Variants in DNAAF9 observed in about 807,000 individuals in gnomAD.
DNAAF9 encodes shulin.
In DNAAF9, 90 loss-of-function variants were observed where a neutral mutation model predicts 167.0. The ratio of observed to expected loss-of-function variants is 0.54; its 90% confidence interval spans 0.45 to 0.64. DNAAF9 has a LOEUF of 0.64. Among genes scored for constraint, DNAAF9 ranks in the 30% least tolerant of loss-of-function variants. The pLI, the probability that DNAAF9 is intolerant of heterozygous loss-of-function variation, is 0.00. For synonymous variants in DNAAF9, 491 were observed against 508.8 expected, an observed-to-expected ratio of 0.96 and a Z score of 0.47; for missense variants, 1,315 against 1,442.2, an observed-to-expected ratio of 0.91 and a Z score of 1.43.
chr20:3,377,349 C>CA (rs1002622358), intron 3 of DNAAF9, among the ~76,000 whole-genome samples: 5 of 152,142 alleles, frequency 3.3e-5, no homozygotes, highest in Non-Finnish European at 5.9e-5. Context: ...AAAAATATGT[C>CA]AAAGGAGTAT....
chr20:3,325,442 T>C (rs562898480), intron 13 of DNAAF9, among the ~76,000 whole-genome samples: 10 of 152,368 alleles, frequency 6.6e-5, no homozygotes, highest in African/African-American at 2.4e-4. Flanking sequence ...CCCACTGCTT[T>C]GGATAAGCCT....
At chr20:3,277,510 T>C (rs960692944) in intron 29 of DNAAF9, among the ~76,000 whole-genome samples, 1 of 152,136 alleles carries the variant, frequency 6.6e-6, no homozygotes, top group Non-Finnish European at 1.5e-5. Flanking sequence ...GGTTATCTCC[T>C]GGACCTATGT....
chr20:3,290,787 CTTT>C (rs548143543), intron 25 of DNAAF9, among the ~76,000 whole-genome samples: 5 of 135,312 alleles, frequency 3.7e-5, no homozygotes, highest in Non-Finnish European at 3.2e-5. Flanking sequence ...AGGGCTAAGT[CTTT>C]TTTTTTTTTT....
intron 20 of DNAAF9, among the ~76,000 whole-genome samples, chr20:3,311,003 CAT>C (rs1443956578): frequency 6.6e-6 from 1 of 152,104 alleles, no homozygotes; most frequent in Non-Finnish European, 1.5e-5. Context: ...CAAAAAAAGC[CAT>C]ATGTGGGCTC....
chr20:3,367,389 C>T (rs2083444344), intron 6 of DNAAF9, among the ~76,000 whole-genome samples: 1 of 152,220 alleles, frequency 6.6e-6, no homozygotes. Context: ...TAGTTTCCTT[C>T]AAGAACTTTT....
intron 29 of DNAAF9, among the ~76,000 whole-genome samples, chr20:3,277,472 C>T (rs1884506): frequency 0.87 from 132,279 of 152,118 alleles, 57,788 homozygotes; most frequent in East Asian, 1. Flanking sequence ...CTTCCAAATA[C>T]GTATCTTAGG....
At chr20:3,279,925 C>G (rs1029752699) in intron 28 of DNAAF9, among the ~76,000 whole-genome samples, 1 of 152,150 alleles carries the variant, frequency 6.6e-6, no homozygotes. Flanking sequence ...TAATGATGTT[C>G]GCAACACTGG....
intron 1 of DNAAF9, among the ~76,000 whole-genome samples, chr20:3,383,716 C>T (rs1398706093): frequency 1.3e-5 from 2 of 152,050 alleles, no homozygotes; most frequent in African/African-American, 2.4e-5. Context: ...AGTACACTGC[C>T]TTACTCTCAC....
At chr20:3,322,573 A>G in intron 15 of DNAAF9, 79 bp downstream of exon 15, 1 of 1,113,278 alleles carries the variant, frequency 9.0e-7, no homozygotes, top group South Asian at 1.2e-5. Context: ...TGAGAAAACC[A>G]CTCATGTCAG....
At chr20:3,367,269 C>G (rs2083443256) in intron 6 of DNAAF9, among the ~76,000 whole-genome samples, 2 of 152,342 alleles carry the variant, frequency 1.3e-5, no homozygotes, top group South Asian at 4.1e-4. Context: ...TTTGGTTTAA[C>G]GGAATGTTTT....
intron 1 of DNAAF9, among the ~76,000 whole-genome samples, chr20:3,390,296 C>T (rs1442123634): frequency 1.3e-5 from 2 of 151,138 alleles, no homozygotes; most frequent in Non-Finnish European, 2.9e-5. Context: ...AAAGATAAAC[C>T]ACATACGGCA....
intron 23 of DNAAF9, chr20:3,296,568 G>A (rs546952838): frequency 2.7e-6 from 1 of 377,286 alleles, no homozygotes; most frequent in East Asian, 4.9e-5. Flanking sequence ...GTAGGGACGG[G>A]GTCTCACTAT....
intron 6 of DNAAF9, 103 bp downstream of exon 6, chr20:3,373,945 A>T: frequency 1.4e-6 from 1 of 704,608 alleles, no homozygotes; most frequent in Non-Finnish European, 2.5e-6. Flanking sequence ...TTGTGAGGTA[A>T]CTGCCAGCTT....
rs549114977 is a variant in DNAAF9 at position 3,315,448 on chromosome 20, G to A, written c.1590+287C>T. 7.4e-4 allele frequency among the ~76,000 whole-genome samples: 113 copies of A among 152,324 alleles called. 1 individual carries two copies. The highest frequency in any genetic ancestry group is 1.4e-3 in the Non-Finnish European group (94 of 68,030). ...CTTGGCCTAAAGCCTTGATGTCTCA[G>A]CTCTACATGTCTAGGCCAATCTGGG... On this transcript the variant is annotated intron_variant, in intron 19 of 36. Coordinates refer to ENST00000252032, the MANE Select transcript of DNAAF9 (RefSeq NM_001009984.3). The surrounding 1 kb of genome is among the most constrained non-coding windows in gnomAD (Gnocchi z 4.1).
chr20:3,258,031 ATTT>A (rs1411228373), intron 33 of DNAAF9, among the ~76,000 whole-genome samples: 3 of 92,558 alleles, frequency 3.2e-5, no homozygotes, highest in East Asian at 5.6e-4. Flanking sequence ...GCCTGGCCTA[ATTT>A]TTTTTATTTT....
rs2236114 is a variant in DNAAF9, at chr20:3,315,393, T to C, written c.1591-273A>G. On this transcript the variant is annotated intron_variant, in intron 19 of 36. Coordinates refer to ENST00000252032, the MANE Select transcript of DNAAF9 (RefSeq NM_001009984.3). The surrounding 1 kb of genome is among the most constrained non-coding windows in gnomAD (Gnocchi z 4.1). ...GCTTGTTCATGTTCCAGTGGATTTA[T>C]TTCCTTTGTGAAAACAGAGGCAGCT... Among the ~76,000 whole-genome samples the C allele has an allele frequency of 0.25, 38,065 of 152,210 alleles. 5,361 individuals are homozygous for C. Among genetic ancestry groups the C allele is most frequent in the African/African-American group, 0.37 (15,446 of 41,508 alleles).
At position 3,340,436 on chromosome 20, in the gene DNAAF9, C is replaced by CCCA; in HGVS notation, c.981+67_981+68insTGG. ...GAAAAGGTTCTTTTTGTCTAGCTCC[C>CCCA]CCCACCCACCCCACCCCCACAACTT... On this transcript the variant is annotated intron_variant, in intron 10 of 36. Coordinates refer to ENST00000252032, the MANE Select transcript of DNAAF9 (RefSeq NM_001009984.3). 4 of 192,366 alleles carry CCCA rather than the reference C, an allele frequency of 2.1e-5. No individual in the cohort carries two copies. The South Asian group carries it at 2.1e-4, about 10-fold the overall frequency. 11.9% of individuals were successfully genotyped at this position (192,366 alleles called of 1,614,324 possible).
intron 1 of DNAAF9, among the ~76,000 whole-genome samples, chr20:3,392,858 T>C (rs1478778718): frequency 1.3e-5 from 2 of 152,224 alleles, no homozygotes; most frequent in Non-Finnish European, 2.9e-5. Context: ...GTACACTTTG[T>C]GTCTTGAATG....
At chr20:3,278,068 G>A (rs2068701853) in intron 29 of DNAAF9, among the ~76,000 whole-genome samples, 2 of 152,082 alleles carry the variant, frequency 1.3e-5, no homozygotes, top group South Asian at 4.1e-4. Context: ...ACCACTGCAG[G>A]GAATTCAGAA....
Sources: gnomAD v4.1 joint callset for allele counts (sites outside exome capture counted in the v4.1 genomes callset) on GRCh38, gnomAD v4.1.1 for gene constraint, Gnocchi (gnomAD v3.1) non-coding constraint, MANE v1.5 for transcripts, NCBI Gene and HGNC (gene_info 2026-07-23, HGNC 2026-07-21) for gene names.